The following TPST1 variants were observed in gnomAD, a reference collection of about 807,000 sequenced individuals.
The protein encoded by TPST1 is tyrosylprotein sulfotransferase 1.
In TPST1, 20 loss-of-function variants were observed where a neutral mutation model predicts 34.8. The ratio of observed to expected loss-of-function variants is 0.57; its 90% CI spans 0.40 to 0.84. The LOEUF (loss-of-function observed/expected upper bound fraction) is 0.84. TPST1 is among the 40% of genes least tolerant of loss of function. TPST1 has a pLI of 0.00. For synonymous variants in TPST1, 152 were observed against 159.4 expected, an observed-to-expected ratio of 0.95 and a Z score of 0.35; for missense variants, 353 against 455.5, an observed-to-expected ratio of 0.78 and a Z score of 2.05.
chr7:66,261,849 T>C (rs891662534), intron 2 of TPST1, among the ~76,000 whole-genome samples: 3 of 152,196 alleles, frequency 2.0e-5, no homozygotes, highest in African/African-American at 7.2e-5. Flanking sequence ...ATTAATAATA[T>C]GTAAAGAGCT....
chr7:66,218,720 G>A lies in TPST1; in HGVS notation c.-102+13198G>A, dbSNP rs933469764. Among the ~76,000 whole-genome samples the A allele has an allele frequency of 8.5e-5, 13 of 152,084 alleles. No individual in the cohort carries two copies. The South Asian group carries it at 1.9e-3, about 22-fold the overall frequency. ...ACGTTAGCTGGGTGTGGTGGCGGGCGCCTGTAGTCCCAGCTACTTGGGTGT... is the reference window on the plus strand; with the variant it reads ...ACGTTAGCTGGGTGTGGTGGCGGGCACCTGTAGTCCCAGCTACTTGGGTGT... On this transcript the variant is annotated intron_variant, in intron 1 of 5. Transcript: ENST00000304842.
chr7:66,359,747 A>G (rs1792654282), intron 5 of TPST1, 148 bp from the exon 6 acceptor site: 2 of 390,190 alleles, frequency 5.1e-6, no homozygotes, highest in Non-Finnish European at 1.1e-5. Context: ...AGCTGTTCTC[A>G]ACATCCATCC....
intron 3 of TPST1, among the ~76,000 whole-genome samples, chr7:66,329,503 A>G (rs1184031753): frequency 1.3e-5 from 2 of 152,102 alleles, no homozygotes; most frequent in Non-Finnish European, 1.5e-5. Flanking sequence ...GAATAAAAGC[A>G]TTTTCCTCGA....
At chr7:66,255,331 C>G (rs913285271) in intron 2 of TPST1, among the ~76,000 whole-genome samples, 1 of 152,026 alleles carries the variant, frequency 6.6e-6, no homozygotes, top group African/African-American at 2.4e-5. Flanking sequence ...GCTACTACAA[C>G]AAAGAATTTA....
intron 3 of TPST1, among the ~76,000 whole-genome samples, chr7:66,307,216 C>T (rs1177392519): frequency 6.6e-6 from 1 of 151,276 alleles, no homozygotes; most frequent in Non-Finnish European, 1.5e-5. Context: ...CTCCCGGGTT[C>T]ATGCCATTCT....
intron 1 of TPST1, among the ~76,000 whole-genome samples, chr7:66,222,109 T>C (rs182326865): frequency 1.7e-3 from 260 of 152,318 alleles, no homozygotes; most frequent in African/African-American, 5.7e-3. Context: ...TTAGGCCAAG[T>C]GTGGTGGCTC....
rs566364573 is a variant in TPST1 at position 66,249,917 on chromosome 7, T to G, written c.845+8647T>G. 4.6e-5 allele frequency among the ~76,000 whole-genome samples: 7 copies of G among 152,312 alleles called. No individual in the cohort carries two copies. The South Asian group carries it at 1.4e-3, about 32-fold the overall frequency. On this transcript the variant is annotated intron_variant, in intron 2 of 5. Coordinates refer to ENST00000304842, the MANE Select transcript of TPST1 (RefSeq NM_003596.4). ...AAGGAAGATCTCTCCAAGGCCCCCC[T>G]CTGTCTGGGATGTACTTCCTATGCT...
chr7:66,274,937 G>C (rs1268224759), intron 2 of TPST1, among the ~76,000 whole-genome samples: 2 of 152,154 alleles, frequency 1.3e-5, no homozygotes, highest in African/African-American at 4.8e-5. Context: ...GCTCACACCT[G>C]TAATCCCTGC....
chr7:66,240,773 G>C lies in TPST1; in HGVS notation c.348G>C (p.Arg116=). The change falls in exon 2 of 6, where the codon CGG becomes CGC. Residue 116 remains arginine, a synonymous_variant. Transcript: ENST00000304842. ...RILALKQMWS[R]SSKEKIRLDE... ...TGGCCCTGAAGCAGATGTGGTCACG[G>C]TCAAGTAAAGAGAAGATCCGCCTGG... The C allele has an allele frequency of 6.2e-7, 1 of 1,614,224 alleles. No homozygotes were observed. The highest frequency in any genetic ancestry group is 8.5e-7 in the Non-Finnish European group (1 of 1,180,032).
chr7:66,217,319 A>G (rs1052950864), intron 1 of TPST1, among the ~76,000 whole-genome samples: 2 of 151,980 alleles, frequency 1.3e-5, no homozygotes, highest in African/African-American at 4.8e-5. Context: ...TAAATTGTCT[A>G]TTTCTCACTT....
At chr7:66,215,708 T>C (rs1004798890) in intron 1 of TPST1, among the ~76,000 whole-genome samples, 1 of 147,172 alleles carries the variant, frequency 6.8e-6, no homozygotes, top group African/African-American at 2.5e-5. Context: ...TTAGTGTCAA[T>C]TTTTTTTTTT....
Position 66,353,080 on chromosome 7 carries a change from C to T in TPST1, c.1095+525C>T, listed in dbSNP as rs564733614. 3.3e-5 allele frequency among the ~76,000 whole-genome samples: 5 copies of T among 152,058 alleles called. No individual in the cohort carries two copies. In the South Asian group the frequency reaches 8.3e-4, roughly 25 times the overall value. On this transcript the variant is annotated intron_variant, in intron 4 of 5. Coordinates refer to ENST00000304842, the MANE Select transcript of TPST1 (RefSeq NM_003596.4). ...CTGTAATCCCAGCAATTTGTGAGAC[C>T]GAGGTTGGCAGATCACTTGAAGTCG...
intron 1 of TPST1, among the ~76,000 whole-genome samples, chr7:66,237,523 C>T (rs546902681): frequency 1.3e-5 from 2 of 152,226 alleles, no homozygotes; most frequent in East Asian, 3.9e-4. Flanking sequence ...TGTAGTTAGT[C>T]ATTTCCCCAG....
chr7:66,271,056 G>A (rs1439855514), intron 2 of TPST1, among the ~76,000 whole-genome samples: 1 of 151,734 alleles, frequency 6.6e-6, no homozygotes, highest in Non-Finnish European at 1.5e-5. Flanking sequence ...TGCTTTTTTG[G>A]GGCCAGTTTT....
intron 3 of TPST1, among the ~76,000 whole-genome samples, chr7:66,323,160 T>C (rs1251522207): frequency 6.6e-6 from 1 of 152,188 alleles, no homozygotes; most frequent in East Asian, 1.9e-4. Flanking sequence ...ATTAACCCCA[T>C]AGCAGATACA....
At chr7:66,329,046 G>A (rs1791944020) in intron 3 of TPST1, among the ~76,000 whole-genome samples, 1 of 149,184 alleles carries the variant, frequency 6.7e-6, no homozygotes, top group South Asian at 2.1e-4. Flanking sequence ...CAAGTAGCTG[G>A]GATTACAGGT....
intron 1 of TPST1, among the ~76,000 whole-genome samples, chr7:66,235,186 T>A (rs1030766192): frequency 6.9e-6 from 1 of 144,538 alleles, no homozygotes; most frequent in Non-Finnish European, 1.5e-5. Context: ...CTGCATAGAT[T>A]TTTTTTTTTT....
At chr7:66,354,309 A>G (rs910736386) in intron 4 of TPST1, among the ~76,000 whole-genome samples, 3 of 152,184 alleles carry the variant, frequency 2.0e-5, no homozygotes, top group Non-Finnish European at 2.9e-5. Flanking sequence ...TTGAAGGAAT[A>G]TAAAATCCAA....
intron 3 of TPST1, among the ~76,000 whole-genome samples, chr7:66,324,475 AG>A (rs1195693747): frequency 4.6e-5 from 7 of 152,134 alleles, no homozygotes; most frequent in African/African-American, 1.4e-4. Context: ...GGGAAAAAAA[AG>A]ATATCTAGAT....
Sources: gnomAD v4.1 joint callset for allele counts (sites outside exome capture counted in the v4.1 genomes callset) on GRCh38, gnomAD v4.1.1 for gene constraint, MANE v1.5 for transcripts, NCBI Gene and HGNC (gene_info 2026-07-23, HGNC 2026-07-21) for gene names.